The following FOCAD variants were observed in gnomAD, a reference collection of about 807,000 sequenced individuals.
FOCAD encodes KIAA1797.
In FOCAD, 198 loss-of-function variants were observed where a neutral mutation model predicts 225.6. The observed-to-expected ratio is 0.88, with a 90% CI of 0.78 to 0.99. The LOEUF (loss-of-function observed/expected upper bound fraction) is 0.99. Ranked by LOEUF, FOCAD falls within the 50% of genes least tolerant of loss-of-function variation. FOCAD has a pLI of 0.00. For missense variants in FOCAD, 2,713 were observed against 2,123.6 expected, an observed-to-expected ratio of 1.28 and a Z score of -5.46; for synonymous variants, 897 against 755.0, an observed-to-expected ratio of 1.19 and a Z score of -3.08.
At chr9:20,907,548 C>A (rs1166379321) in intron 22 of FOCAD, among the ~76,000 whole-genome samples, 4 of 152,004 alleles carry the variant, frequency 2.6e-5, no homozygotes, top group Non-Finnish European at 5.9e-5. Context: ...GCATCCCAAA[C>A]TGAGCTCATT....
At chr9:20,765,399 G>T (rs970679768) in intron 7 of FOCAD, among the ~76,000 whole-genome samples, 3 of 151,798 alleles carry the variant, frequency 2.0e-5, no homozygotes, top group African/African-American at 7.3e-5. Context: ...TGTAGACATT[G>T]GGACAGTAAC....
chr9:20,855,894 A>T (rs536222054), intron 15 of FOCAD, among the ~76,000 whole-genome samples: 1 of 147,706 alleles, frequency 6.8e-6, no homozygotes, highest in Non-Finnish European at 1.5e-5. Context: ...CTCCAGTTCC[A>T]TCTATGTTGT....
At chr9:20,783,217 A>C (rs780453624) in intron 10 of FOCAD, among the ~76,000 whole-genome samples, 3 of 152,182 alleles carry the variant, frequency 2.0e-5, no homozygotes. Flanking sequence ...TCTTATTATT[A>C]ACACTAATAT....
Position 20,815,123 on chromosome 9 carries a change from G to GGTTTTTTTTTTTTTT in FOCAD, c.1456-4673_1456-4672insGTTTTTTTTTTTTTT, listed in dbSNP as rs796702774. On this transcript the variant is annotated intron_variant, in intron 11 of 43. Coordinates refer to ENST00000338382, the MANE Select transcript of FOCAD (RefSeq NM_001375567.1). ...TCTGGAAATATCATTACTTCTCTTT[G>GGTTTTTTTTTTTTTT]TTTTTTTTTTTTTGTTTTTTTTTTT... 4.7e-3 allele frequency among the ~76,000 whole-genome samples: 404 copies of GGTTTTTTTTTTTTTT among 85,338 alleles called. 70 individuals are homozygous for GGTTTTTTTTTTTTTT. The highest frequency in any genetic ancestry group is 5.7e-3 in the Admixed American group (40 of 6,966). 56.0% of individuals were successfully genotyped at this position (85,338 alleles called of 152,430 possible).
chr9:20,921,326 A>G (rs1437029904), intron 24 of FOCAD, among the ~76,000 whole-genome samples: 1 of 152,216 alleles, frequency 6.6e-6, no homozygotes, highest in East Asian at 1.9e-4. Flanking sequence ...AGGACAATTT[A>G]ATTAAAACGT....
At chr9:20,717,734 T>G in intron 2 of FOCAD, 60 bp from the exon 3 acceptor site, 1 of 1,247,696 alleles carries the variant, frequency 8.0e-7, no homozygotes, top group Non-Finnish European at 1.2e-6. Flanking sequence ...TATCAACTAG[T>G]ATTGATATTT....
chr9:20,665,917 C>T (rs903413606), intron 2 of FOCAD, among the ~76,000 whole-genome samples: 35 of 151,878 alleles, frequency 2.3e-4, no homozygotes, highest in East Asian at 1.4e-3. Flanking sequence ...ATATTTTAGA[C>T]GGAGTCTCGC....
At chr9:20,783,035 T>G (rs1006429061) in intron 10 of FOCAD, among the ~76,000 whole-genome samples, 3 of 152,190 alleles carry the variant, frequency 2.0e-5, no homozygotes, top group Admixed American at 6.5e-5. Flanking sequence ...TTACTTTACC[T>G]CTTGGTTTGC....
chr9:20,698,549 C>T lies in FOCAD; in HGVS notation c.-33+14256C>T, dbSNP rs112251973. Among the ~76,000 whole-genome samples, 1,450 of 152,118 alleles carry T rather than the reference C, an allele frequency of 9.5e-3. 9 individuals are homozygous for T. Among genetic ancestry groups the T allele is most frequent in the South Asian group, 0.017 (84 of 4,808 alleles). ...CTGAGTAACTGAGACCACAGGGACACGCCACTGTGCCTGGCTAATTTTTTA... is the reference window on the plus strand; with the variant it reads ...CTGAGTAACTGAGACCACAGGGACATGCCACTGTGCCTGGCTAATTTTTTA... On this transcript the variant is annotated intron_variant, in intron 1 of 43. Coordinates refer to ENST00000338382, the MANE Select transcript of FOCAD (RefSeq NM_001375567.1).
At chr9:20,854,262 A>G (rs900046248) in intron 15 of FOCAD, among the ~76,000 whole-genome samples, 3 of 151,792 alleles carry the variant, frequency 2.0e-5, no homozygotes, top group Non-Finnish European at 4.4e-5. Context: ...CAGCACAGGA[A>G]TTAGAAGGAA....
chr9:20,702,567 A>G (rs1015221253), intron 1 of FOCAD, among the ~76,000 whole-genome samples: 2 of 152,354 alleles, frequency 1.3e-5, no homozygotes, highest in Admixed American at 1.3e-4. Flanking sequence ...GGTTTTTCAT[A>G]TGAAGATAAA....
chr9:20,882,048 G>T lies in FOCAD; in HGVS notation c.2495G>T (p.Gly832Val). Residue 832 changes from glycine (G) to valine (V), a missense_variant, in exon 20 of 44, where the codon GGC becomes GTC. Transcript: ENST00000338382. ...AACAAGCAACCAGGACTGAAACCTG[G>T]CCTTGCAGGTAAGGGTAGTACATAG... The part of the protein sequence containing the change: ...ETNKQPGLKP[G>V]LAGGMLFCYD... 1.2e-6 allele frequency: 2 copies of T among 1,612,742 alleles called. No homozygotes were observed. The highest frequency in any genetic ancestry group is 1.7e-6 in the Non-Finnish European group (2 of 1,179,492).
intron 11 of FOCAD, among the ~76,000 whole-genome samples, chr9:20,812,612 A>G (rs1360930210): frequency 2.0e-5 from 3 of 151,722 alleles, no homozygotes; most frequent in African/African-American, 4.8e-5. Flanking sequence ...GTTTTGTCCA[A>G]TTTATGGGGT....
chr9:20,878,459 A>G (rs1207320842), intron 19 of FOCAD, among the ~76,000 whole-genome samples: 1 of 152,196 alleles, frequency 6.6e-6, no homozygotes, highest in East Asian at 1.9e-4. Context: ...CTTTTGCTGC[A>G]TCAATAATAA....
At chr9:20,740,445 A>G in intron 5 of FOCAD, 105 bp downstream of exon 5, 1 of 625,878 alleles carries the variant, frequency 1.6e-6, no homozygotes, top group Non-Finnish European at 2.7e-6. Context: ...ATTCAGCAGG[A>G]TATGCACACA....
Position 20,781,774 on chromosome 9 carries a change from T to C in FOCAD, c.1042T>C (p.Ser348Pro), listed in dbSNP as rs2131106478. 1.2e-6 allele frequency: 2 copies of C among 1,614,120 alleles called. No homozygotes were observed. Among genetic ancestry groups the C allele is most frequent in the Middle Eastern group, 3.3e-4 (2 of 6,004 alleles). The change falls in exon 10 of 44, where the codon TCT (serine) becomes CCT (proline). Residue 348 changes from serine to proline, a missense_variant. Ser to Pro is a moderately conservative substitution (Grantham distance 74). Transcript: ENST00000338382. ...VTEDQKIPKSSLLLVMPILQI... is the reference protein window; with the variant it reads ...VTEDQKIPKSPLLLVMPILQI... The stretch of plus-strand genomic sequence containing the variant: ...TGAGGATCAGAAAATCCCAAAGTCC[T>C]CTCTGCTGCTAGTGATGCCAATTCT...
chr9:20,981,242 G>A (rs1427298355), intron 37 of FOCAD, among the ~76,000 whole-genome samples, 184 bp from the exon 38 acceptor site: 1 of 152,172 alleles, frequency 6.6e-6, no homozygotes, highest in African/African-American at 2.4e-5. Flanking sequence ...AACTGCAGAA[G>A]CCAAAATTAC....
chr9:20,710,226 G>T (rs867025815), intron 1 of FOCAD, among the ~76,000 whole-genome samples: 2 of 136,334 alleles, frequency 1.5e-5, no homozygotes, highest in Non-Finnish European at 3.2e-5. Flanking sequence ...CCCAGTAGCT[G>T]AGATTTTTTT....
chr9:20,839,466 G>A (rs1039541839), intron 15 of FOCAD, among the ~76,000 whole-genome samples: 1 of 151,624 alleles, frequency 6.6e-6, no homozygotes, highest in African/African-American at 2.4e-5. Flanking sequence ...TTGCCATGTT[G>A]CCCAGGCTGG....
Sources: gnomAD v4.1 joint callset for allele counts (sites outside exome capture counted in the v4.1 genomes callset) on GRCh38, gnomAD v4.1.1 for gene constraint, MANE v1.5 for transcripts, NCBI Gene and HGNC (gene_info 2026-07-23, HGNC 2026-07-21) for gene names.